NUP62CL: variants seen among roughly 807,000 people sequenced by gnomAD.
NUP62CL encodes the protein nucleoporin-62 C-terminal-like protein.
In NUP62CL, 13 loss-of-function variants were observed where a neutral mutation model predicts 15.3. The ratio of observed to expected loss-of-function variants is 0.85; its 90% CI spans 0.55 to 1.35. The LOEUF is 1.35. Among genes scored for constraint, NUP62CL ranks in the 40% most tolerant of loss-of-function variants. NUP62CL has a pLI of 0.00. For missense variants in NUP62CL, 123 were observed against 130.6 expected, an observed-to-expected ratio of 0.94 and a Z score of 0.28; for synonymous variants, 54 against 49.2, an observed-to-expected ratio of 1.10 and a Z score of -0.41.
At chrX:107,164,491 A>G (rs895797367) in intron 4 of NUP62CL, among the ~76,000 whole-genome samples, 2 of 110,863 alleles carry the variant, frequency 1.8e-5, no homozygotes, top group Admixed American at 1.9e-4. Flanking sequence ...GAAATAATAG[A>G]GTAGATATCA....
chrX:107,143,095 A>G (rs372016484), intron 8 of NUP62CL, among the ~76,000 whole-genome samples: 2 of 111,920 alleles, frequency 1.8e-5, no homozygotes, highest in East Asian at 5.6e-4. Flanking sequence ...CAGTCCCATC[A>G]CTTATCTAAC....
At chrX:107,127,114 C>T (rs997887054) in intron 8 of NUP62CL, among the ~76,000 whole-genome samples, 1 of 110,946 alleles carries the variant, frequency 9.0e-6, no homozygotes, top group African/African-American at 3.3e-5. Flanking sequence ...AAATGATACA[C>T]AGCAATAACA....
chrX:107,162,545 C>A (rs1926413940), intron 4 of NUP62CL, among the ~76,000 whole-genome samples: 1 of 111,775 alleles, frequency 8.9e-6, no homozygotes, highest in South Asian at 3.7e-4. Flanking sequence ...GATTTCTCGT[C>A]TAAAACCATG....
At chrX:107,152,103 T>G (rs1569357103) in intron 7 of NUP62CL, among the ~76,000 whole-genome samples, 5 of 67,855 alleles carry the variant, frequency 7.4e-5, no homozygotes, top group African/African-American at 3.3e-4. Context: ...TATTCAGATA[T>G]ATATATATAT....
chrX:107,153,456 T>C lies in NUP62CL; in HGVS notation c.393A>G (p.Lys131=), dbSNP rs1001172608. The C allele has an allele frequency of 1.7e-6, 2 of 1,161,248 alleles. No individual in the cohort carries two copies. Among genetic ancestry groups the C allele is most frequent in the Non-Finnish European group, 2.3e-6 (2 of 870,019 alleles). The change falls in exon 6 of 9, where the codon AAA becomes AAG. Residue 131 remains lysine (K), a splice_region_variant and synonymous_variant. Coordinates refer to ENST00000372466, the MANE Select transcript of NUP62CL (RefSeq NM_017681.3). ...ACCAAGGAAATCTAAGGTTCTACCTTTTCTGATCCAGTTTCACTTTGTTCA... is the reference window on the plus strand; with the variant it reads ...ACCAAGGAAATCTAAGGTTCTACCTCTTCTGATCCAGTTTCACTTTGTTCA... ...GEVNKVKLDQ[K]RLEQELDFIL...
intron 2 of NUP62CL, among the ~76,000 whole-genome samples, chrX:107,183,044 T>G (rs992588379): frequency 9.0e-6 from 1 of 110,684 alleles, no homozygotes; most frequent in African/African-American, 3.3e-5. Context: ...AAGAAAAATA[T>G]TAGCCAGGCA....
intron 1 of NUP62CL, among the ~76,000 whole-genome samples, chrX:107,204,769 A>T (rs1452167732): frequency 3.1e-5 from 1 of 32,524 alleles, no homozygotes; most frequent in African/African-American, 1.2e-4. Context: ...TTTTAAATAA[A>T]TTATTTAAAT....
At chrX:107,143,987 G>C (rs1925833441) in intron 8 of NUP62CL, among the ~76,000 whole-genome samples, 1 of 111,851 alleles carries the variant, frequency 8.9e-6, no homozygotes, top group South Asian at 3.7e-4. Context: ...GCAAAAAGGA[G>C]CCCACAGTCA....
chrX:107,198,700 G>GT (rs949956062), intron 1 of NUP62CL, among the ~76,000 whole-genome samples: 6 of 111,671 alleles, frequency 5.4e-5, no homozygotes, highest in African/African-American at 1.3e-4. Context: ...TTTAAGAGCT[G>GT]TAACACTCAC....
At chrX:107,133,147 C>T (rs2147791715) in intron 8 of NUP62CL, among the ~76,000 whole-genome samples, 1 of 111,221 alleles carries the variant, frequency 9.0e-6, no homozygotes, top group East Asian at 2.9e-4. Context: ...CATTCCTTGG[C>T]TCATGATCCC....
intron 4 of NUP62CL, among the ~76,000 whole-genome samples, chrX:107,163,283 T>C (rs953285124): frequency 1.8e-5 from 2 of 111,584 alleles, no homozygotes; most frequent in Non-Finnish European, 1.9e-5. Context: ...CCAAACACTG[T>C]AGTGGTATGA....
chrX:107,186,538 G>A (rs997589286), intron 2 of NUP62CL, among the ~76,000 whole-genome samples: 1 of 111,518 alleles, frequency 9.0e-6, no homozygotes, highest in Non-Finnish European at 1.9e-5. Flanking sequence ...TTAAAAAAAT[G>A]TCAGTAGCAT....
At chrX:107,204,817 A>ATTAT (rs1556031389) in intron 1 of NUP62CL, among the ~76,000 whole-genome samples, 3 of 73,147 alleles carry the variant, frequency 4.1e-5, no homozygotes, top group South Asian at 5.4e-4. Context: ...TTTTAAATAA[A>ATTAT]TTATTTAAAT....
intron 2 of NUP62CL, among the ~76,000 whole-genome samples, chrX:107,189,634 T>TAATAATAATAAA (rs1289377909): frequency 9.5e-6 from 1 of 105,555 alleles, no homozygotes; most frequent in East Asian, 3.0e-4. Flanking sequence ...ATAATAATAA[T>TAATAATAATAAA]AAATTAGCCA....
Position 107,189,771 on chromosome X carries a change from C to T in NUP62CL, c.-48+3258G>A, listed in dbSNP as rs141959032. 6.6e-3 allele frequency among the ~76,000 whole-genome samples: 620 copies of T among 93,425 alleles called. 6 individuals are homozygous for T. The highest frequency in any genetic ancestry group is 0.023 in the African/African-American group (571 of 24,603). 81.1% of individuals were successfully genotyped at this position (93,425 alleles called of 115,157 possible). ...CACTGTACTCCAGCCAGAGAGAGAG[C>T]GAGACCCTGTCTCAATGAAAGAAAG... On this transcript the variant is annotated intron_variant, in intron 2 of 8. Transcript: ENST00000372466.
intron 8 of NUP62CL, chrX:107,131,683 A>G (rs1181735336): frequency 1.1e-5 from 7 of 660,787 alleles, no homozygotes; most frequent in East Asian, 3.3e-5. Context: ...AAGAGGAGGA[A>G]GAGGAGGAGC....
chrX:107,200,649 G>GAA (rs1367510464), intron 1 of NUP62CL, among the ~76,000 whole-genome samples: 1 of 107,061 alleles, frequency 9.3e-6, no homozygotes, highest in Non-Finnish European at 1.9e-5. Context: ...GAGAGAGAGA[G>GAA]AATCTTGGAG....
chrX:107,184,392 A>C (rs1483168102), intron 2 of NUP62CL, among the ~76,000 whole-genome samples: 1 of 111,622 alleles, frequency 9.0e-6, no homozygotes, highest in East Asian at 2.8e-4. Flanking sequence ...CGGAAGTTAT[A>C]AAGAACCAAG....
At chrX:107,159,080 G>A (rs1926289265) in intron 4 of NUP62CL, among the ~76,000 whole-genome samples, 1 of 30,444 alleles carries the variant, frequency 3.3e-5, no homozygotes, top group Non-Finnish European at 4.4e-5. Flanking sequence ...ACTAAACCAG[G>A]AAGAAGTTGA....
Sources: allele counts gnomAD v4.1 joint callset (sites outside exome capture counted in the v4.1 genomes callset), GRCh38; gene constraint gnomAD v4.1.1; transcripts MANE v1.5; gene names NCBI Gene and HGNC (gene_info 2026-07-23, HGNC 2026-07-21).